Variants in OGG1 observed in about 807,000 individuals in gnomAD.
The protein encoded by OGG1 is 8-oxoguanine DNA glycosylase.
Under a neutral mutation model 42.3 loss-of-function variants are expected in OGG1, and 35 were observed. The ratio of observed to expected loss-of-function variants is 0.83; its 90% CI spans 0.63 to 1.10. The LOEUF (loss-of-function observed/expected upper bound fraction) is 1.10. OGG1 is among the 50% of genes least tolerant of loss of function. OGG1 has a pLI of 0.00. For missense variants in OGG1, 484 were observed against 446.7 expected, an observed-to-expected ratio of 1.08 and a Z score of -0.75; for synonymous variants, 189 against 179.0, an observed-to-expected ratio of 1.06 and a Z score of -0.44.
downstream of OGG1, chr3:9,789,740 C>T (rs367779444): frequency 2.5e-5 from 40 of 1,613,520 alleles, no homozygotes; most frequent in Middle Eastern, 1.6e-4. Context: ...TTTGGGGATC[C>T]GTGGCACGTC....
exon 8 of OGG1, chr3:9,766,263 C>G (rs934712183): frequency 4.3e-6 from 3 of 705,852 alleles, no homozygotes; most frequent in African/African-American, 1.7e-5. Flanking sequence ...GAGAAATGGC[C>G]AAATATATTT....
chr3:9,761,952 G>A (rs564224182), downstream of OGG1: 1 of 695,492 alleles, frequency 1.4e-6, no homozygotes, highest in Non-Finnish European at 2.3e-6. Flanking sequence ...AAGAGGGTGT[G>A]GGGGGGAACT....
intron 3 of OGG1, among the ~76,000 whole-genome samples, chr3:9,785,705 C>T (rs916405886): frequency 1.3e-4 from 20 of 152,330 alleles, no homozygotes; most frequent in Non-Finnish European, 2.6e-4. Flanking sequence ...GTCTGCAACG[C>T]ACCAGGCAGT....
intron 7 of OGG1, chr3:9,762,998 C>A: frequency 6.2e-7 from 1 of 1,614,166 alleles, no homozygotes; most frequent in Non-Finnish European, 8.5e-7. Flanking sequence ...TGGCGTCCCG[C>A]TCCGTGTAGA....
At chr3:9,759,045 C>T (rs947756105), downstream of OGG1, 1 of 759,202 alleles carries the variant, frequency 1.3e-6, no homozygotes, top group African/African-American at 1.7e-5. Context: ...GAGGCCTGGC[C>T]CCTTACCTGC....
downstream of OGG1, chr3:9,757,906 G>T (rs1286576687): frequency 6.5e-7 from 1 of 1,539,246 alleles, no homozygotes; most frequent in Non-Finnish European, 8.8e-7. This position sits in a 1 kb window ranked among gnomAD's most constrained non-coding sequence, Gnocchi z 4.5. Context: ...GTCAAGTCAT[G>T]GGGCAGGGGC....
In OGG1 at chr3:9,757,360, C is replaced by T. The variant is rs1397316312; in HGVS notation, c.*210C>T. The T allele has an allele frequency of 6.2e-7, 1 of 1,613,984 alleles. No homozygotes were observed. Among genetic ancestry groups the T allele is most frequent in the Non-Finnish European group, 8.5e-7 (1 of 1,179,964 alleles). On this transcript the variant is annotated 3_prime_UTR_variant, in exon 7 of 7. Transcript: ENST00000344629. This position sits in a 1 kb window ranked among gnomAD's most constrained non-coding sequence, Gnocchi z 4.5. Reference sequence around the variant, plus strand: ...CAGCGCTAAGGATGGTTTTATCTTCCCTTTATTACAAGAAGGAACAATAAA... The same window carrying T: ...CAGCGCTAAGGATGGTTTTATCTTCTCTTTATTACAAGAAGGAACAATAAA...
intron 2 of OGG1, among the ~76,000 whole-genome samples, chr3:9,774,878 A>G (rs1468799972): frequency 6.6e-6 from 1 of 152,220 alleles, no homozygotes; most frequent in Non-Finnish European, 1.5e-5. Flanking sequence ...CTTTTGATTC[A>G]GGGACTCCTC....
intron 6 of OGG1, 103 bp from the exon 7 acceptor site, chr3:9,756,957 GC>G: frequency 6.2e-7 from 1 of 1,611,918 alleles, no homozygotes. Context: ...ATTGCCTTCG[GC>G]CCTGTTCCCC....
At chr3:9,759,207 T>C, downstream of OGG1, 4 of 1,613,782 alleles carry the variant, frequency 2.5e-6, no homozygotes, top group Non-Finnish European at 3.4e-6. Context: ...TCATCACCAC[T>C]TTTATGACCT....
chr3:9,781,509 T>A (rs2078464192), intron 2 of OGG1: 2 of 456,314 alleles, frequency 4.4e-6, no homozygotes, highest in Non-Finnish European at 8.8e-6. Flanking sequence ...CACTGTTGTT[T>A]CAGGTGTTCC....
exon 8 of OGG1, chr3:9,765,972 G>A (rs1294579168): frequency 5.6e-6 from 9 of 1,613,984 alleles, no homozygotes; most frequent in Non-Finnish European, 6.8e-6. Context: ...TATGGGTTCT[G>A]TGACCACTGC....
chr3:9,775,112 C>A (rs904747221), intron 2 of OGG1, among the ~76,000 whole-genome samples: 1 of 151,734 alleles, frequency 6.6e-6, no homozygotes, highest in South Asian at 2.1e-4. Flanking sequence ...TGGTGGCACA[C>A]GCCTGTAACC....
intron 3 of OGG1, chr3:9,784,276 G>A: frequency 1.9e-6 from 3 of 1,551,030 alleles, no homozygotes; most frequent in South Asian, 2.4e-5. Context: ...CACCTTGGAG[G>A]TTCCCAGGGC....
At chr3:9,760,116 C>T (rs182214782), downstream of OGG1, 160 of 213,340 alleles carry the variant, frequency 7.5e-4, no homozygotes, top group African/African-American at 3.5e-3. Context: ...TGGTGGTGGG[C>T]GCCTGTAATC....
At chr3:9,762,925 G>T in intron 7 of OGG1, 1 of 1,614,064 alleles carries the variant, frequency 6.2e-7, no homozygotes, top group South Asian at 1.1e-5. Flanking sequence ...TTGAGATCCC[G>T]GTGTACAATG....
chr3:9,761,634 C>T (rs1238040684), downstream of OGG1: 7 of 1,614,124 alleles, frequency 4.3e-6, no homozygotes, highest in East Asian at 2.2e-5. Context: ...TCCGCACCCA[C>T]GTATCCCGGA....
chr3:9,759,228 C>A (rs777240560), downstream of OGG1: 10 of 1,614,182 alleles, frequency 6.2e-6, no homozygotes, highest in Non-Finnish European at 7.6e-6. Flanking sequence ...TTCTCGGACC[C>A]CATAGGCTGG....
At chr3:9,786,008 G>A (rs1425380473) in intron 3 of OGG1, among the ~76,000 whole-genome samples, 2 of 150,932 alleles carry the variant, frequency 1.3e-5, no homozygotes, top group African/African-American at 2.4e-5. Flanking sequence ...GCACAATTTC[G>A]GCTTACTGCA....
Sources: gnomAD v4.1 joint callset for allele counts (sites outside exome capture counted in the v4.1 genomes callset) on GRCh38, gnomAD v4.1.1 for gene constraint, Gnocchi (gnomAD v3.1) non-coding constraint, MANE v1.5 for transcripts, NCBI Gene and HGNC (gene_info 2026-07-23, HGNC 2026-07-21) for gene names.